ULK4: variants seen among roughly 807,000 people sequenced by gnomAD.
ULK4 encodes unc-51 like kinase 4.
Under a neutral mutation model 160.6 loss-of-function variants are expected in ULK4, and 133 were observed. That is an observed-to-expected ratio of 0.83 (90% confidence interval 0.72 to 0.96). The LOEUF (loss-of-function observed/expected upper bound fraction) is 0.96. ULK4 is among the 40% of genes least tolerant of loss of function. ULK4 has a pLI of 0.00. For synonymous variants in ULK4, 534 were observed against 539.8 expected, an observed-to-expected ratio of 0.99 and a Z score of 0.15; for missense variants, 1,580 against 1,499.5, an observed-to-expected ratio of 1.05 and a Z score of -0.89.
At chr3:41,748,602 G>C (rs1258751745) in intron 22 of ULK4, among the ~76,000 whole-genome samples, 2 of 151,996 alleles carry the variant, frequency 1.3e-5, no homozygotes, top group East Asian at 3.9e-4. Context: ...TGGTTCTTAA[G>C]TCTAGACCAT....
intron 34 of ULK4, among the ~76,000 whole-genome samples, chr3:41,435,776 A>G (rs866272551): frequency 6.6e-6 from 1 of 152,026 alleles, no homozygotes; most frequent in Non-Finnish European, 1.5e-5. Context: ...GTGAAACCCT[A>G]TCTCTACCAA....
intron 34 of ULK4, among the ~76,000 whole-genome samples, chr3:41,400,974 TTTG>T (rs2082167550): frequency 6.6e-6 from 1 of 152,234 alleles, no homozygotes; most frequent in Admixed American, 6.5e-5. Flanking sequence ...ACTTTTGCCC[TTTG>T]TTAATTGGGT....
rs948488119 is a variant in ULK4, at chr3:41,483,335, G to T, written c.3227-20082C>A. Reference sequence around the variant, plus strand: ...TAACACATTTGCTCTGCTGCTTCAAGATTTTTTTAGTTTTAGGCATTATCT... The same window carrying T: ...TAACACATTTGCTCTGCTGCTTCAATATTTTTTTAGTTTTAGGCATTATCT... On this transcript the variant is annotated intron_variant, in intron 32 of 36. Coordinates refer to ENST00000301831, the MANE Select transcript of ULK4 (RefSeq NM_017886.4). Among the ~76,000 whole-genome samples, 5 of 151,958 alleles carry T rather than the reference G, an allele frequency of 3.3e-5. No individual in the cohort carries two copies. In the East Asian group the frequency reaches 9.6e-4, roughly 29 times the overall value.
rs528372948 is a variant in ULK4 at position 41,314,410 on chromosome 3, G to T, written c.3679-64836C>A. On this transcript the variant is annotated intron_variant, in intron 35 of 36. Coordinates refer to ENST00000301831, the MANE Select transcript of ULK4 (RefSeq NM_017886.4). ...CAATGTCTATTATTCCCCTCTGTAT[G>T]TCCATTGTTTAGCTCCCACTTATGA... Among the ~76,000 whole-genome samples, 35 of 151,972 alleles carry T rather than the reference G, an allele frequency of 2.3e-4. No homozygotes were observed. The East Asian group carries it at 4.3e-3, about 19-fold the overall frequency.
chr3:41,327,477 A>G (rs947322312), intron 35 of ULK4, among the ~76,000 whole-genome samples: 2 of 151,966 alleles, frequency 1.3e-5, no homozygotes, highest in African/African-American at 4.8e-5. Flanking sequence ...CCTTCTCTGT[A>G]GTTTCCAGAG....
chr3:41,858,404 G>A (rs990369742), intron 17 of ULK4, among the ~76,000 whole-genome samples: 4 of 151,524 alleles, frequency 2.6e-5, no homozygotes, highest in Admixed American at 6.6e-5. Context: ...CACCTGCCTC[G>A]GCCTCCCAGA....
intron 30 of ULK4, among the ~76,000 whole-genome samples, chr3:41,626,898 T>G (rs544103076): frequency 1.3e-5 from 2 of 152,288 alleles, no homozygotes; most frequent in South Asian, 4.2e-4. Context: ...TCTTTCTCTA[T>G]TTTCTGGCAC....
intron 27 of ULK4, among the ~76,000 whole-genome samples, chr3:41,696,690 A>G (rs1575580902): frequency 6.6e-6 from 1 of 152,288 alleles, no homozygotes; most frequent in East Asian, 1.9e-4. Flanking sequence ...CCTGATCTCC[A>G]GAACCTTCAA....
intron 34 of ULK4, among the ~76,000 whole-genome samples, chr3:41,422,883 G>C (rs1386936040): frequency 1.3e-5 from 2 of 152,200 alleles, no homozygotes; most frequent in East Asian, 3.9e-4. Context: ...CATGTGTTTT[G>C]TACTACATTT....
chr3:41,900,244 G>A (rs1189547030), intron 13 of ULK4, among the ~76,000 whole-genome samples: 2 of 152,122 alleles, frequency 1.3e-5, no homozygotes, highest in African/African-American at 2.4e-5. Flanking sequence ...CGTCTCCCCT[G>A]CAGTCTTAAC....
At chr3:41,320,408 C>T (rs900080309) in intron 35 of ULK4, among the ~76,000 whole-genome samples, 1 of 152,144 alleles carries the variant, frequency 6.6e-6, no homozygotes, top group Non-Finnish European at 1.5e-5. Flanking sequence ...ACCCATTTTT[C>T]AATAACAAGG....
At chr3:41,707,086 T>C (rs927798822) in intron 25 of ULK4, among the ~76,000 whole-genome samples, 1 of 152,150 alleles carries the variant, frequency 6.6e-6, no homozygotes, top group African/African-American at 2.4e-5. Context: ...ATCATGTATT[T>C]ATCATTTTCT....
intron 31 of ULK4, among the ~76,000 whole-genome samples, chr3:41,587,105 A>T (rs142991709): frequency 0.01 from 1,595 of 152,198 alleles, 14 homozygotes; most frequent in Non-Finnish European, 0.016. Flanking sequence ...GCTCATCCAG[A>T]TTGCTAACAG....
intron 19 of ULK4, among the ~76,000 whole-genome samples, chr3:41,816,106 A>G (rs1465179341): frequency 1.3e-5 from 2 of 151,996 alleles, no homozygotes; most frequent in African/African-American, 4.8e-5. Context: ...ACAGACACAC[A>G]CACACAGAGT....
rs1489305840 is a variant in ULK4, at chr3:41,707,951, A to C, written c.2635-2646T>G. Among the ~76,000 whole-genome samples the C allele has an allele frequency of 3.3e-5, 5 of 152,136 alleles. No individual in the cohort carries two copies. The South Asian group carries it at 1.0e-3, about 32-fold the overall frequency. On this transcript the variant is annotated intron_variant, in intron 25 of 36. Transcript: ENST00000301831. ...ACTAACCAGGGAAAGGAAAATTAAA[A>C]CTATAATGAGATATCACTTCACATC...
At chr3:41,372,061 T>C (rs191039424) in intron 35 of ULK4, among the ~76,000 whole-genome samples, 207 of 151,826 alleles carry the variant, frequency 1.4e-3, no homozygotes, top group Non-Finnish European at 2.1e-3. Flanking sequence ...GAAGATCAAC[T>C]TAATGAAATA....
intron 31 of ULK4, among the ~76,000 whole-genome samples, chr3:41,571,487 CTG>C (rs1351455381): frequency 6.6e-6 from 1 of 152,158 alleles, no homozygotes; most frequent in Non-Finnish European, 1.5e-5. Flanking sequence ...CGGGGGTAAA[CTG>C]TGCATTGAAA....
chr3:41,525,362 T>C (rs1449451614), intron 32 of ULK4, among the ~76,000 whole-genome samples: 1 of 152,214 alleles, frequency 6.6e-6, no homozygotes, highest in Non-Finnish European at 1.5e-5. Flanking sequence ...AAAAAAATAT[T>C]TTGATGCACA....
intron 22 of ULK4, among the ~76,000 whole-genome samples, chr3:41,724,251 T>A (rs79169255): frequency 6.6e-6 from 1 of 152,216 alleles, no homozygotes; most frequent in South Asian, 2.1e-4. Context: ...AATTAATGAA[T>A]AGGGCTAAGC....
Sources: gnomAD v4.1 joint callset for allele counts (sites outside exome capture counted in the v4.1 genomes callset) on GRCh38, gnomAD v4.1.1 for gene constraint, MANE v1.5 for transcripts, NCBI Gene and HGNC (gene_info 2026-07-23, HGNC 2026-07-21) for gene names.